The following ZFAND6 variants were observed in gnomAD, a reference collection of about 807,000 sequenced individuals.
ZFAND6 encodes zinc finger AN1-type containing 6, also known as AN1-type zinc finger protein 6.
In ZFAND6, 12 loss-of-function variants were observed where a neutral mutation model predicts 24.5. The observed-to-expected ratio is 0.49, with a 90% CI of 0.31 to 0.79. ZFAND6 has a LOEUF of 0.79. ZFAND6 is among the 30% of genes least tolerant of loss of function. The pLI, the probability that ZFAND6 is intolerant of heterozygous loss-of-function variation, is 0.04. For missense variants in ZFAND6, 207 were observed against 245.9 expected, an observed-to-expected ratio of 0.84 and a Z score of 1.06; for synonymous variants, 92 against 81.5, an observed-to-expected ratio of 1.13 and a Z score of -0.69.
intron 2 of ZFAND6, among the ~76,000 whole-genome samples, chr15:80,101,954 G>C (rs1000410874): frequency 7.9e-5 from 12 of 151,704 alleles, no homozygotes; most frequent in African/African-American, 2.9e-4. Flanking sequence ...CACCACGCCT[G>C]GCTAATTTTT....
At chr15:80,117,260 T>A (rs2039921918) in intron 2 of ZFAND6, among the ~76,000 whole-genome samples, 1 of 152,168 alleles carries the variant, frequency 6.6e-6, no homozygotes, top group African/African-American at 2.4e-5. Context: ...TCTCGCTCTG[T>A]TGCCCAGGCT....
chr15:80,061,936 T>C (rs2036356665), intron 1 of ZFAND6, among the ~76,000 whole-genome samples: 1 of 152,314 alleles, frequency 6.6e-6, no homozygotes, highest in East Asian at 1.9e-4. Flanking sequence ...ATAGCCGTAG[T>C]GATTGAACTA....
At chr15:80,124,846 AG>A (rs1381015747) in intron 5 of ZFAND6, among the ~76,000 whole-genome samples, 4 of 152,174 alleles carry the variant, frequency 2.6e-5, no homozygotes, top group Non-Finnish European at 5.9e-5. Context: ...TTAAGAGAGG[AG>A]GGTTAGGTTC....
chr15:80,086,938 A>G (rs1020662088), intron 1 of ZFAND6, among the ~76,000 whole-genome samples: 2 of 152,222 alleles, frequency 1.3e-5, no homozygotes, highest in Non-Finnish European at 2.9e-5. Flanking sequence ...AGTGTGGCTT[A>G]TTTAATTTAG....
chr15:80,121,068 T>A (rs1158887165), intron 3 of ZFAND6, among the ~76,000 whole-genome samples: 1 of 152,180 alleles, frequency 6.6e-6, no homozygotes, highest in East Asian at 1.9e-4. Flanking sequence ...GGATTCCAAG[T>A]ATAAGCTTTG....
At chr15:80,092,582 A>AG (rs1308463611) in intron 1 of ZFAND6, among the ~76,000 whole-genome samples, 1 of 152,044 alleles carries the variant, frequency 6.6e-6, no homozygotes, top group Non-Finnish European at 1.5e-5. Flanking sequence ...GGTAAGAGAG[A>AG]GGGGGGAAAG....
intron 1 of ZFAND6, among the ~76,000 whole-genome samples, chr15:80,087,633 C>T (rs530857135): frequency 1.3e-5 from 2 of 152,172 alleles, no homozygotes; most frequent in Middle Eastern, 6.8e-3. Flanking sequence ...CCCAGTTTTG[C>T]CATCTACTCT....
chr15:80,060,391 A>G (rs147865257), intron 1 of ZFAND6: 1 of 150,992 alleles, frequency 6.6e-6, no homozygotes, highest in Non-Finnish European at 1.5e-5. Flanking sequence ...AGGATTCTAA[A>G]TTTTTTGTCT....
At chr15:80,068,811 CATT>C (rs746784332) in intron 1 of ZFAND6, among the ~76,000 whole-genome samples, 145 of 152,316 alleles carry the variant, frequency 9.5e-4, no homozygotes, top group African/African-American at 3.3e-3. Context: ...ATGTGGCTCT[CATT>C]ATGTTTCTGT....
chr15:80,058,987 TG>T (rs1174037733), upstream of ZFAND6, among the ~76,000 whole-genome samples: 1 of 152,206 alleles, frequency 6.6e-6, no homozygotes, highest in East Asian at 1.9e-4. Context: ...ACCACGCAGG[TG>T]GGAACTGACC....
At chr15:80,101,764 G>A (rs1410693927) in intron 2 of ZFAND6, among the ~76,000 whole-genome samples, 5 of 146,958 alleles carry the variant, frequency 3.4e-5, no homozygotes, top group African/African-American at 1.0e-4. Flanking sequence ...AAGGTTAGGT[G>A]TATTTTCTCT....
intron 6 of ZFAND6, among the ~76,000 whole-genome samples, chr15:80,135,504 G>A (rs1282732151): frequency 1.3e-5 from 2 of 152,254 alleles, no homozygotes; most frequent in Non-Finnish European, 2.9e-5. Context: ...GCCAGGCACT[G>A]TGCTGAACAC....
intron 1 of ZFAND6, among the ~76,000 whole-genome samples, chr15:80,078,932 C>T (rs1206211485): frequency 6.6e-6 from 1 of 151,292 alleles, no homozygotes; most frequent in African/African-American, 2.4e-5. Flanking sequence ...TACATGTGCA[C>T]AGTGTGCGGG....
At position 80,099,420 on chromosome 15, in the gene ZFAND6, CTT is replaced by C. The variant is rs560980985; in HGVS notation, c.-18+843_-18+844del. Among the ~76,000 whole-genome samples, 451 of 152,180 alleles carry C rather than the reference CTT, an allele frequency of 3.0e-3. 1 individual carries two copies. Among genetic ancestry groups the C allele is most frequent in the African/African-American group, 0.011 (439 of 41,512 alleles). On this transcript the variant is annotated intron_variant, in intron 2 of 6. Coordinates refer to ENST00000261749, the MANE Select transcript of ZFAND6 (RefSeq NM_019006.4). ...AAAATGATGAGCATGTAGACAGAGA[CTT>C]ATAAAATCTTGTTAACTGTTCACTG... is the stretch of plus-strand genomic sequence containing the variant.
intron 2 of ZFAND6, among the ~76,000 whole-genome samples, chr15:80,101,476 G>C (rs147408281): frequency 8.9e-4 from 136 of 151,966 alleles, no homozygotes; most frequent in African/African-American, 2.4e-3. Context: ...GAAAAAAAAA[G>C]AAAAAATCTT....
intron 1 of ZFAND6, among the ~76,000 whole-genome samples, chr15:80,091,587 CTCT>C (rs1039721783): frequency 4.7e-4 from 71 of 152,166 alleles, no homozygotes; most frequent in African/African-American, 1.6e-3. Flanking sequence ...CCTTGATTTG[CTCT>C]TCTTCATCTC....
At chr15:80,074,581 A>T (rs1043517133) in intron 1 of ZFAND6, among the ~76,000 whole-genome samples, 3 of 151,916 alleles carry the variant, frequency 2.0e-5, no homozygotes, top group Admixed American at 2.0e-4. Context: ...TTAAAAATAC[A>T]CTTTGGAAAC....
intron 1 of ZFAND6, among the ~76,000 whole-genome samples, chr15:80,094,075 CAAGAT>C (rs1404878851): frequency 2.0e-4 from 30 of 152,296 alleles, no homozygotes; most frequent in African/African-American, 6.5e-4. Flanking sequence ...TGTGTGGAAA[CAAGAT>C]AAGGAATCTG....
At chr15:80,076,074 C>T (rs1192095633) in intron 1 of ZFAND6, among the ~76,000 whole-genome samples, 1 of 152,180 alleles carries the variant, frequency 6.6e-6, no homozygotes, top group Admixed American at 6.5e-5. Flanking sequence ...TTCTCCTTTA[C>T]AACCATTAAG....
Sources: gnomAD v4.1 joint callset for allele counts (sites outside exome capture counted in the v4.1 genomes callset) on GRCh38, gnomAD v4.1.1 for gene constraint, MANE v1.5 for transcripts, NCBI Gene and HGNC (gene_info 2026-07-23, HGNC 2026-07-21) for gene names.